Variants in UTRN observed in about 807,000 individuals in gnomAD.
The protein encoded by UTRN is dystrophin-related protein 1.
Under a neutral mutation model 463.9 loss-of-function variants are expected in UTRN, and 283 were observed. That is an observed-to-expected ratio of 0.61 (90% CI 0.55 to 0.67). The LOEUF (loss-of-function observed/expected upper bound fraction) is 0.67. Ranked by LOEUF, UTRN falls within the 30% of genes least tolerant of loss-of-function variation. UTRN has a pLI of 0.00. For synonymous variants in UTRN, 1,442 were observed against 1,431.5 expected (o/e 1.01, Z -0.17); for missense variants, 3,922 against 4,084.3 (o/e 0.96, Z 1.08).
At chr6:144,679,840 C>A (rs1270216964) in intron 52 of UTRN, among the ~76,000 whole-genome samples, 1 of 152,018 alleles carries the variant, frequency 6.6e-6, no homozygotes, top group African/African-American at 2.4e-5. Context: ...GTGGAATTTG[C>A]AGTTCCTCTT....
chr6:144,736,087 GC>G (rs1327444672), intron 54 of UTRN, among the ~76,000 whole-genome samples: 2 of 151,966 alleles, frequency 1.3e-5, no homozygotes, highest in Non-Finnish European at 2.9e-5. Flanking sequence ...TTTTCATACT[GC>G]CTCCTTTCCT....
chr6:144,405,124 T>A (rs1030116919), intron 3 of UTRN, among the ~76,000 whole-genome samples: 4 of 152,314 alleles, frequency 2.6e-5, no homozygotes, highest in Non-Finnish European at 4.4e-5. Flanking sequence ...TAAGCTCAGC[T>A]TCTGTGTTAG....
At chr6:144,839,375 C>T in intron 72 of UTRN, 91 bp downstream of exon 72, 1 of 1,011,644 alleles carries the variant, frequency 9.9e-7, no homozygotes, top group Non-Finnish European at 1.5e-6. Context: ...TTCCTACACA[C>T]TGGTGCCTTA....
intron 51 of UTRN, among the ~76,000 whole-genome samples, chr6:144,664,243 A>T (rs1293584926): frequency 6.6e-6 from 1 of 152,128 alleles, no homozygotes; most frequent in East Asian, 1.9e-4. Context: ...CAGGGGAAGA[A>T]ATTGGGAGCT....
chr6:144,624,712 C>G (rs1483935015), intron 51 of UTRN, among the ~76,000 whole-genome samples: 3 of 152,106 alleles, frequency 2.0e-5, no homozygotes, highest in Non-Finnish European at 2.9e-5. Context: ...TAAGTCAGCT[C>G]TCCAGCTAGA....
chr6:144,754,531 CT>C (rs34213856), intron 56 of UTRN, among the ~76,000 whole-genome samples, 188 bp from the exon 57 acceptor site: 1,158 of 112,080 alleles, frequency 0.01, 4 homozygotes, highest in African/African-American at 0.031. Flanking sequence ...CAGAAGGAGT[CT>C]TTTTTTTTTT....
rs76882169 is a variant in UTRN at position 144,582,432 on chromosome 6, G to A, written c.7479+5144G>A. ...TACCCCAGTTGATATTTGCAATGAT[G>A]TTCAGGCTGCAGTAGAGAATATGTC... On this transcript the variant is annotated intron_variant, in intron 51 of 74. Coordinates refer to ENST00000367545, the MANE Select transcript of UTRN (RefSeq NM_007124.3). Among the ~76,000 whole-genome samples, 1,366 of 152,192 alleles carry A rather than the reference G, an allele frequency of 9.0e-3. 7 individuals are homozygous for A. The highest frequency in any genetic ancestry group is 0.024 in the Middle Eastern group (7 of 294).
intron 2 of UTRN, among the ~76,000 whole-genome samples, chr6:144,334,839 T>A (rs935435520): frequency 6.6e-6 from 1 of 152,144 alleles, no homozygotes; most frequent in Non-Finnish European, 1.5e-5. Context: ...CAGCACGAAT[T>A]TGGTGTTTTA....
chr6:144,716,973 G>A (rs1354232931), intron 53 of UTRN, among the ~76,000 whole-genome samples: 5 of 152,010 alleles, frequency 3.3e-5, no homozygotes, highest in Non-Finnish European at 5.9e-5. Context: ...TTTTGTGTTC[G>A]TAGCTTTTCT....
At chr6:144,552,524 T>C (rs1799016573) in intron 48 of UTRN, among the ~76,000 whole-genome samples, 1 of 152,246 alleles carries the variant, frequency 6.6e-6, no homozygotes, top group Non-Finnish European at 1.5e-5. Flanking sequence ...CCAAAACTTC[T>C]TTCAGGTGTT....
chr6:144,458,741 CTG>C, intron 19 of UTRN, 27 bp from the exon 20 acceptor site: 1 of 1,553,766 alleles, frequency 6.4e-7, no homozygotes. Context: ...AATATATAGA[CTG>C]TTTGCTTGTT....
chr6:144,656,385 T>C (rs1248032394), intron 51 of UTRN, among the ~76,000 whole-genome samples: 2 of 152,230 alleles, frequency 1.3e-5, no homozygotes, highest in Non-Finnish European at 2.9e-5. Context: ...ACCAAGATGA[T>C]ATTTTGTGTA....
At chr6:144,372,964 G>A (rs1001862734) in intron 2 of UTRN, among the ~76,000 whole-genome samples, 12 of 152,108 alleles carry the variant, frequency 7.9e-5, no homozygotes, top group Admixed American at 7.2e-4. Context: ...CAAAACCATA[G>A]CGAAATTTTT....
chr6:144,592,878 C>A (rs1013123065), intron 51 of UTRN, among the ~76,000 whole-genome samples: 2 of 152,120 alleles, frequency 1.3e-5, no homozygotes, highest in Non-Finnish European at 2.9e-5. Flanking sequence ...AATGATTTAC[C>A]TGTGTGGGAT....
intron 3 of UTRN, among the ~76,000 whole-genome samples, chr6:144,420,485 A>G (rs1784737104): frequency 6.6e-6 from 1 of 152,228 alleles, no homozygotes; most frequent in African/African-American, 2.4e-5. Context: ...ATTGTATCAC[A>G]GACAGGCAAG....
At chr6:144,535,557 A>C (rs539382729) in intron 43 of UTRN, among the ~76,000 whole-genome samples, 1 of 152,228 alleles carries the variant, frequency 6.6e-6, no homozygotes, top group African/African-American at 2.4e-5. Flanking sequence ...AGAATAATGA[A>C]TCTCTTCCCC....
chr6:144,775,487 TGC>T (rs1339469507), intron 60 of UTRN, among the ~76,000 whole-genome samples: 2 of 152,194 alleles, frequency 1.3e-5, no homozygotes, highest in Non-Finnish European at 2.9e-5. Context: ...CAGCAAGTGT[TGC>T]AGAATTACCC....
intron 10 of UTRN, 32 bp from the exon 11 acceptor site, chr6:144,437,533 A>C: frequency 6.5e-7 from 1 of 1,541,410 alleles, no homozygotes; most frequent in Non-Finnish European, 8.7e-7. Context: ...TGCACTGAGT[A>C]GCTCACAAAT....
chr6:144,289,154 C>T (rs1050303525), intron 1 of UTRN, among the ~76,000 whole-genome samples: 1 of 152,196 alleles, frequency 6.6e-6, no homozygotes, highest in African/African-American at 2.4e-5. Context: ...TCAAGCTCTG[C>T]AAATCCAAAT....
Sources: allele counts gnomAD v4.1 joint callset (sites outside exome capture counted in the v4.1 genomes callset), GRCh38; gene constraint gnomAD v4.1.1; transcripts MANE v1.5; gene names NCBI Gene and HGNC (gene_info 2026-07-23, HGNC 2026-07-21).